CSMD3: variants seen among roughly 807,000 people sequenced by gnomAD.
CSMD3 encodes CUB and Sushi multiple domains 3, also known as CUB and sushi domain-containing protein 3.
Under a neutral mutation model 435.2 loss-of-function variants are expected in CSMD3, and 177 were observed. The ratio of observed to expected loss-of-function variants is 0.41; its 90% CI spans 0.36 to 0.46. The LOEUF (loss-of-function observed/expected upper bound fraction) is 0.46, where lower values mean the gene tolerates loss of function less well. Ranked by LOEUF, CSMD3 falls within the 20% of genes least tolerant of loss-of-function variation. The probability of loss-of-function intolerance (pLI) is 0.34; values close to 1 mark genes in which losing one functional copy is unlikely to be tolerated. For synonymous variants in CSMD3, 1,656 were observed against 1,520.5 expected (o/e 1.09, Z -2.07); for missense variants, 4,265 against 4,504.6 (o/e 0.95, Z 1.52).
At chr8:112,934,955 G>T (rs2083234091) in intron 9 of CSMD3, among the ~76,000 whole-genome samples, 1 of 151,730 alleles carries the variant, frequency 6.6e-6, no homozygotes, top group Non-Finnish European at 1.5e-5. Context: ...TGTGCTTTTG[G>T]GGTCATATCA....
At chr8:113,082,565 A>C (rs1258232847) in intron 5 of CSMD3, among the ~76,000 whole-genome samples, 1 of 152,130 alleles carries the variant, frequency 6.6e-6, no homozygotes, top group African/African-American at 2.4e-5. Flanking sequence ...ATATAGGGTC[A>C]TAAGAAACAT....
intron 3 of CSMD3, among the ~76,000 whole-genome samples, chr8:113,238,188 G>C (rs1160056437): frequency 1.3e-5 from 2 of 152,012 alleles, no homozygotes; most frequent in African/African-American, 4.8e-5. Flanking sequence ...ATATTTGGTG[G>C]TAAGAATGAA....
rs1815580714 is a variant in CSMD3 at position 112,254,320 on chromosome 8, G to A, written c.10043C>T (p.Thr3348Ile). Reference protein sequence around the residue: ...SGSSPHCIEPTQTSCENPGVP... With the variant: ...SGSSPHCIEPIQTSCENPGVP... The stretch of plus-strand genomic sequence containing the variant: ...ACCTGGGTTTTCACAAGAGGTTTGG[G>A]TAGGCTCTAAAATGAAGATTAAAAA... Residue 3348 changes from threonine to isoleucine, a missense_variant, in exon 63 of 71, where the codon ACC becomes ATC. Physicochemically the swap from Thr to Ile is moderately conservative, Grantham distance 89. This residue lies in a region of CSMD3 where 3,255 missense variants were observed against 3,380.2 expected (regional missense o/e 0.96). Transcript: ENST00000297405. 3 of 1,609,498 alleles carry A rather than the reference G, an allele frequency of 1.9e-6. No homozygotes were observed. The highest frequency in any genetic ancestry group is 2.2e-5 in the South Asian group (2 of 91,010).
At chr8:112,965,422 CAAG>C (rs1252723523) in intron 7 of CSMD3, among the ~76,000 whole-genome samples, 2 of 151,502 alleles carry the variant, frequency 1.3e-5, no homozygotes, top group African/African-American at 4.8e-5. Context: ...AATAAGCTAA[CAAG>C]ATATCTGATT....
intron 18 of CSMD3, among the ~76,000 whole-genome samples, chr8:112,655,825 T>C (rs1450127582): frequency 6.6e-6 from 1 of 152,046 alleles, no homozygotes; most frequent in African/African-American, 2.4e-5. Flanking sequence ...ATTGTTTATA[T>C]ATATCTTAGA....
chr8:112,741,572 C>T (rs1257359189), intron 13 of CSMD3, among the ~76,000 whole-genome samples: 1 of 151,900 alleles, frequency 6.6e-6, no homozygotes, highest in Non-Finnish European at 1.5e-5. Context: ...CCTCCTAATA[C>T]TATCACCTCA....
intron 35 of CSMD3, among the ~76,000 whole-genome samples, chr8:112,396,918 A>AT (rs1383851913): frequency 1.3e-5 from 2 of 152,284 alleles, no homozygotes; most frequent in East Asian, 3.9e-4. Context: ...ATGTAGTGAG[A>AT]TAAAAAGCTA....
chr8:112,947,107 A>C (rs2083636339), intron 9 of CSMD3, among the ~76,000 whole-genome samples: 1 of 151,650 alleles, frequency 6.6e-6, no homozygotes, highest in Admixed American at 6.6e-5. Context: ...TCGTGAGATT[A>C]TTATCTAATA....
At chr8:112,973,268 T>A (rs2084725541) in intron 7 of CSMD3, among the ~76,000 whole-genome samples, 1 of 151,868 alleles carries the variant, frequency 6.6e-6, no homozygotes, top group African/African-American at 2.4e-5. Flanking sequence ...GAGGAATAAG[T>A]TTTTTTCTGA....
chr8:112,803,964 G>C (rs1370657665), intron 12 of CSMD3, among the ~76,000 whole-genome samples: 2 of 152,134 alleles, frequency 1.3e-5, no homozygotes, highest in African/African-American at 2.4e-5. Context: ...TGAACCAAGA[G>C]GTAGATAACT....
intron 5 of CSMD3, among the ~76,000 whole-genome samples, chr8:113,088,013 G>C (rs993464827): frequency 2.7e-4 from 40 of 148,090 alleles, no homozygotes; most frequent in African/African-American, 6.8e-4. Context: ...AAATTTACAA[G>C]AAAAAAACAA....
At chr8:113,204,388 G>C (rs772237210) in intron 3 of CSMD3, among the ~76,000 whole-genome samples, 1 of 152,014 alleles carries the variant, frequency 6.6e-6, no homozygotes. Flanking sequence ...AGGTACATAT[G>C]TTTTCTATTT....
chr8:112,684,889 T>C (rs2075977887), intron 15 of CSMD3, among the ~76,000 whole-genome samples: 1 of 152,198 alleles, frequency 6.6e-6, no homozygotes, highest in African/African-American at 2.4e-5. Context: ...GGCTCAGTTA[T>C]AAAACCTAAA....
chr8:112,567,647 C>T (rs1829166598), intron 24 of CSMD3, among the ~76,000 whole-genome samples: 1 of 152,078 alleles, frequency 6.6e-6, no homozygotes. Flanking sequence ...GAGTAAAATA[C>T]ACCAGATTTA....
intron 3 of CSMD3, among the ~76,000 whole-genome samples, chr8:113,239,509 T>TCTATCTATCTA (rs1278732098): frequency 2.7e-5 from 4 of 150,886 alleles, no homozygotes; most frequent in Non-Finnish European, 4.5e-5. Context: ...TATCTATCTA[T>TCTATCTATCTA]CTATCTATCT....
intron 63 of CSMD3, among the ~76,000 whole-genome samples, chr8:112,252,708 T>C (rs1013072337): frequency 1.9e-4 from 27 of 144,604 alleles, no homozygotes; most frequent in African/African-American, 5.7e-4. Flanking sequence ...TATATATATA[T>C]ACACATTCAT....
chr8:113,414,976 G>A (rs76705949), intron 1 of CSMD3, among the ~76,000 whole-genome samples: 4,861 of 151,718 alleles, frequency 0.032, 106 homozygotes, highest in Middle Eastern at 0.078. Flanking sequence ...AACAAAAAAC[G>A]AAAAACAAAA....
chr8:112,508,971 C>A (rs986632396), intron 28 of CSMD3, among the ~76,000 whole-genome samples: 1 of 151,998 alleles, frequency 6.6e-6, no homozygotes, highest in East Asian at 1.9e-4. Context: ...AAGAAAAGTG[C>A]CAAAGTATTC....
In CSMD3 at chr8:112,960,633, C is replaced by T. The variant is rs188766595; in HGVS notation, c.1343-5872G>A. Among the ~76,000 whole-genome samples, 62 of 151,330 alleles carry T rather than the reference C, an allele frequency of 4.1e-4. No individual in the cohort carries two copies. The East Asian group carries it at 0.011, about 27-fold the overall frequency. The stretch of plus-strand genomic sequence containing the variant: ...ACTTTGTATAAAGAAAAGCAATGGC[C>T]ATAATTTGATGAGAAATGTAGTAGT... On this transcript the variant is annotated intron_variant, in intron 7 of 70. Coordinates refer to ENST00000297405, the MANE Select transcript of CSMD3 (RefSeq NM_198123.2).
Sources: gnomAD v4.1 joint callset for allele counts (sites outside exome capture counted in the v4.1 genomes callset) on GRCh38, gnomAD v4.1.1 for gene constraint, gnomAD v4.1.1 regional missense constraint, MANE v1.5 for transcripts, NCBI Gene and HGNC (gene_info 2026-07-23, HGNC 2026-07-21) for gene names.